SRC: variants seen among roughly 807,000 people sequenced by gnomAD.
SRC encodes SRC proto-oncogene, non-receptor tyrosine kinase.
Under a neutral mutation model 62.9 loss-of-function variants are expected in SRC, and 13 were observed. The observed-to-expected ratio is 0.21, with a 90% confidence interval of 0.13 to 0.33. The LOEUF is 0.33. SRC is among the 10% of genes least tolerant of loss of function. The probability of loss-of-function intolerance (pLI) is 1.00; values close to 1 mark genes in which losing one functional copy is unlikely to be tolerated. For synonymous variants in SRC, 302 were observed against 317.5 expected (o/e 0.95, Z 0.52); for missense variants, 457 against 737.3 (o/e 0.62, Z 4.40).
chr20:37,368,518 C>CTTTTTTTTTTTGTTTTT (rs2070102019), intron 2 of SRC, among the ~76,000 whole-genome samples: 3 of 73,916 alleles, frequency 4.1e-5, no homozygotes, highest in Admixed American at 2.1e-4. Flanking sequence ...CCTATATTTT[C>CTTTTTTTTTTTGTTTTT]TTTTTTTTTT....
intron 1 of SRC, among the ~76,000 whole-genome samples, chr20:37,353,506 A>AC (rs1216030303): frequency 6.6e-6 from 1 of 152,142 alleles, no homozygotes; most frequent in African/African-American, 2.4e-5. Context: ...CGGGACCCTG[A>AC]AGGAGCAATG....
At position 37,402,909 on chromosome 20, in the gene SRC, G is replaced by A; in HGVS notation, c.1402+29G>A. 6.2e-7 allele frequency: 1 copy of A among 1,605,578 alleles called. No individual in the cohort carries two copies. The highest frequency in any genetic ancestry group is 1.1e-5 in the South Asian group (1 of 89,816). ...AGAAGGTCCTCATGGCCTGTCTGTG[G>A]TCCCTGAATCCCTCTGCCCTGGTGG... On this transcript the variant is annotated intron_variant, in intron 13 of 13. Coordinates refer to ENST00000373578, the MANE Select transcript of SRC (RefSeq NM_198291.3). The surrounding 1 kb of genome is among the most constrained non-coding windows in gnomAD (Gnocchi z 6.2).
At chr20:37,364,243 C>G (rs930704706) in intron 1 of SRC, among the ~76,000 whole-genome samples, 4 of 152,058 alleles carry the variant, frequency 2.6e-5, no homozygotes, top group Admixed American at 2.6e-4. Context: ...GGGTTTGCCT[C>G]CTGGTGCTGT....
chr20:37,391,297 C>G (rs1306987203), intron 5 of SRC, among the ~76,000 whole-genome samples: 2 of 152,220 alleles, frequency 1.3e-5, no homozygotes, highest in African/African-American at 2.4e-5. Flanking sequence ...CCAAAGGTCT[C>G]AGCCTCTCTG....
chr20:37,397,518 C>T lies in SRC; in HGVS notation c.704-181C>T, dbSNP rs937836307. Among the ~76,000 whole-genome samples the T allele has an allele frequency of 6.6e-6, 1 of 152,206 alleles. No individual in the cohort carries two copies. Among genetic ancestry groups the T allele is most frequent in the Admixed American group, 6.5e-5 (1 of 15,290 alleles). The stretch of plus-strand genomic sequence containing the variant: ...TGACTGACTCAGCAGATGCATAAAG[C>T]ACTGTGGGCCTGTGTGGGGGTGGGG... On this transcript the variant is annotated intron_variant, in intron 8 of 13. Transcript: ENST00000373578. The surrounding 1 kb of genome is among the most constrained non-coding windows in gnomAD (Gnocchi z 4.1).
At chr20:37,379,653 G>T (rs551821639) in intron 2 of SRC, among the ~76,000 whole-genome samples, 2 of 150,632 alleles carry the variant, frequency 1.3e-5, no homozygotes, top group South Asian at 4.2e-4. Flanking sequence ...GAACCTGGGA[G>T]GCGAAGGGTG....
chr20:37,364,113 G>C (rs970410209), intron 1 of SRC, among the ~76,000 whole-genome samples: 30 of 152,114 alleles, frequency 2.0e-4, no homozygotes, highest in African/African-American at 7.2e-4. Context: ...TCCAGGACTG[G>C]CTGAGAACAG....
intron 2 of SRC, among the ~76,000 whole-genome samples, chr20:37,366,125 C>G (rs929078121): frequency 6.6e-6 from 1 of 152,116 alleles, no homozygotes; most frequent in Non-Finnish European, 1.5e-5. Context: ...AATGAATATC[C>G]TCAATCATAT....
intron 1 of SRC, among the ~76,000 whole-genome samples, chr20:37,352,358 C>G (rs6017962): frequency 0.042 from 6,450 of 152,326 alleles, 183 homozygotes; most frequent in African/African-American, 0.082. Context: ...CGGAAATCAC[C>G]AGGGCAGTGA....
intron 2 of SRC, among the ~76,000 whole-genome samples, chr20:37,375,731 A>T (rs529982768): frequency 5.9e-4 from 90 of 152,332 alleles, no homozygotes; most frequent in African/African-American, 2.0e-3. Flanking sequence ...TAACTGGTGG[A>T]CATGTATCTT....
At chr20:37,389,020 C>T (rs1003848633) in intron 5 of SRC, among the ~76,000 whole-genome samples, 1 of 152,106 alleles carries the variant, frequency 6.6e-6, no homozygotes. Context: ...GGAGGCTGGG[C>T]TGGCTGTCAG....
chr20:37,368,544 G>GTTGTTTT, intron 2 of SRC, among the ~76,000 whole-genome samples: 1 of 73,928 alleles, frequency 1.4e-5, no homozygotes, highest in Non-Finnish European at 2.7e-5. Context: ...TTTTTTTTTT[G>GTTGTTTT]TTTTTTTTTT....
At chr20:37,362,840 G>A (rs2069997254) in intron 1 of SRC, among the ~76,000 whole-genome samples, 1 of 152,190 alleles carries the variant, frequency 6.6e-6, no homozygotes, top group Non-Finnish European at 1.5e-5. Flanking sequence ...GGAGGAGGGA[G>A]AGATGGTGGG....
intron 2 of SRC, among the ~76,000 whole-genome samples, chr20:37,377,739 A>T (rs2070299496): frequency 6.6e-6 from 1 of 152,256 alleles, no homozygotes; most frequent in Non-Finnish European, 1.5e-5. Context: ...TTAGAAAATC[A>T]TGACAAAGTC....
chr20:37,403,340 G>C lies in SRC; in HGVS notation c.1572G>C (p.Thr524=). 6.2e-7 allele frequency: 1 copy of C among 1,606,996 alleles called. No individual in the cohort carries two copies. Among genetic ancestry groups the C allele is most frequent in the South Asian group, 1.1e-5 (1 of 89,550 alleles). ...AGGCCTTCCTGGAGGACTACTTCAC[G>C]TCCACCGAGCCCCAGTACCAGCCCG... ...YLQAFLEDYF[T]STEPQYQPGE... is the part of the protein sequence containing the mutation. Residue 524 remains threonine, a synonymous_variant, in exon 14 of 14, where the codon ACG becomes ACC. Transcript: ENST00000373578. This position sits in a 1 kb window ranked among gnomAD's most constrained non-coding sequence, Gnocchi z 7.1.
In SRC at chr20:37,384,042, C is replaced by T. The variant is rs2070406097; in HGVS notation, c.-4-108C>T. ...TGAGCCACCGCGCCCGGCCCTGCTG[C>T]CTCTCCTTGGGCCTCGTTTTCCCTA... On this transcript the variant is annotated intron_variant, in intron 3 of 13. Transcript: ENST00000373578. This position sits in a 1 kb window ranked among gnomAD's most constrained non-coding sequence, Gnocchi z 6.7. 2.0e-6 allele frequency: 3 copies of T among 1,474,388 alleles called. No homozygotes were observed. Among genetic ancestry groups the T allele is most frequent in the Non-Finnish European group, 2.7e-6 (3 of 1,104,980 alleles). 91.3% of individuals were successfully genotyped at this position (1,474,388 alleles called of 1,614,324 possible).
intron 1 of SRC, among the ~76,000 whole-genome samples, chr20:37,354,829 C>T (rs1263369464): frequency 6.6e-6 from 1 of 152,222 alleles, no homozygotes; most frequent in East Asian, 1.9e-4. Context: ...GCTTCTCTTT[C>T]TGAGCCTTGG....
intron 2 of SRC, among the ~76,000 whole-genome samples, chr20:37,375,706 A>G (rs1038657838): frequency 6.6e-6 from 1 of 152,172 alleles, no homozygotes; most frequent in African/African-American, 2.4e-5. Flanking sequence ...ATTGGCAAGT[A>G]TCTTAGAGTG....
intron 2 of SRC, among the ~76,000 whole-genome samples, chr20:37,369,996 T>G (rs920939202): frequency 1.3e-5 from 2 of 152,088 alleles, no homozygotes; most frequent in Admixed American, 1.3e-4. Flanking sequence ...GATGAGATTT[T>G]ACCATGTTGG....
Sources: gnomAD v4.1 joint callset for allele counts (sites outside exome capture counted in the v4.1 genomes callset) on GRCh38, gnomAD v4.1.1 for gene constraint, Gnocchi (gnomAD v3.1) non-coding constraint, MANE v1.5 for transcripts, NCBI Gene and HGNC (gene_info 2026-07-23, HGNC 2026-07-21) for gene names.